The following PRKX variants were observed in gnomAD, a reference collection of about 807,000 sequenced individuals.
PRKX encodes cAMP-dependent protein kinase catalytic subunit PRKX.
Under a neutral mutation model 22.0 loss-of-function variants are expected in PRKX, and 12 were observed. That is an observed-to-expected ratio of 0.54 (90% CI 0.35 to 0.88). PRKX has a LOEUF of 0.88. Among genes scored for constraint, PRKX ranks in the 40% least tolerant of loss-of-function variants. PRKX has a pLI of 0.01. For synonymous variants in PRKX, 134 were observed against 137.7 expected (o/e 0.97, Z 0.19); for missense variants, 217 against 308.0 (o/e 0.70, Z 2.21).
chrX:3,612,083 A>G (rs1603472820), intron 8 of PRKX, 94 bp downstream of exon 8: 2 of 833,977 alleles, frequency 2.4e-6, no homozygotes, highest in East Asian at 6.7e-5. Context: ...CTCTGTGTGC[A>G]TGAGGTTAAG....
chrX:3,697,140 G>A (rs1001226937), intron 1 of PRKX, among the ~76,000 whole-genome samples: 18 of 112,262 alleles, frequency 1.6e-4, no homozygotes, highest in Middle Eastern at 4.6e-3. Context: ...GATTATTTGA[G>A]GCCAGAAGTC....
At chrX:3,711,910 G>C (rs1928799295) in intron 1 of PRKX, among the ~76,000 whole-genome samples, 1 of 110,955 alleles carries the variant, frequency 9.0e-6, no homozygotes, top group African/African-American at 3.3e-5. Context: ...TAAAGAGGAG[G>C]AGGGAGGGAG....
At chrX:3,621,665 G>A (rs779742162) in intron 5 of PRKX, among the ~76,000 whole-genome samples, 2 of 112,062 alleles carry the variant, frequency 1.8e-5, no homozygotes, top group Non-Finnish European at 3.8e-5. Flanking sequence ...CTGCAAAATA[G>A]AAGACATCTG....
At chrX:3,614,428 G>A (rs1232227382) in intron 7 of PRKX, among the ~76,000 whole-genome samples, 1 of 112,206 alleles carries the variant, frequency 8.9e-6, no homozygotes, top group Admixed American at 9.5e-5. Context: ...GGTGGAGGCT[G>A]CAGTGAGCAA....
intron 1 of PRKX, among the ~76,000 whole-genome samples, chrX:3,705,379 G>A (rs1361884864): frequency 9.0e-6 from 1 of 111,339 alleles, no homozygotes; most frequent in Admixed American, 9.5e-5. Context: ...CATTACCTTG[G>A]GGATTAGGGT....
intron 4 of PRKX, among the ~76,000 whole-genome samples, chrX:3,626,990 G>A (rs1280399400): frequency 9.0e-6 from 1 of 111,389 alleles, no homozygotes; most frequent in Non-Finnish European, 1.9e-5. Context: ...CTCAAAAGAA[G>A]ACATGGAAAA....
intron 2 of PRKX, among the ~76,000 whole-genome samples, chrX:3,670,689 G>GC (rs1302220542): frequency 1.1e-4 from 12 of 110,071 alleles, no homozygotes; most frequent in African/African-American, 6.6e-5. Flanking sequence ...GGGACTACAG[G>GC]CCCCCCCACC....
chrX:3,703,967 C>T (rs1416840086), intron 1 of PRKX, among the ~76,000 whole-genome samples: 3 of 110,746 alleles, frequency 2.7e-5, no homozygotes, highest in East Asian at 2.8e-4. Context: ...CCCCCACACC[C>T]GGCCTCTAAT....
intron 1 of PRKX, among the ~76,000 whole-genome samples, chrX:3,709,632 GA>G (rs1346780233): frequency 9.0e-6 from 1 of 111,119 alleles, no homozygotes; most frequent in East Asian, 2.8e-4. Context: ...ACACTTCTGG[GA>G]AAAAACCCAA....
intron 1 of PRKX, among the ~76,000 whole-genome samples, chrX:3,682,483 G>A (rs1358856402): frequency 9.0e-6 from 1 of 110,911 alleles, no homozygotes; most frequent in Non-Finnish European, 1.9e-5. Flanking sequence ...TCCCAGCACA[G>A]GAGTTTGAGA....
At chrX:3,693,039 A>G (rs1188585064) in intron 1 of PRKX, among the ~76,000 whole-genome samples, 1 of 111,149 alleles carries the variant, frequency 9.0e-6, no homozygotes, top group Non-Finnish European at 1.9e-5. Flanking sequence ...ATCATGATTG[A>G]TATTTTCCTG....
At position 3,621,156 on chromosome X, in the gene PRKX, C is replaced by T. The variant is rs1270078509; in HGVS notation, c.873+103G>A. On this transcript the variant is annotated intron_variant, in intron 6 of 8. Transcript: ENST00000262848. Reference sequence around the variant, plus strand: ...TTGAAATTTGGGCAGTGATTAAATACGACCGCTAAGCCTTGGTTTATACCT... The same window carrying T: ...TTGAAATTTGGGCAGTGATTAAATATGACCGCTAAGCCTTGGTTTATACCT... The T allele has an allele frequency of 2.0e-5, 13 of 659,199 alleles. No individual in the cohort carries two copies. In the South Asian group the frequency reaches 3.1e-4, roughly 16 times the overall value. The allele number at this position is 659,199 out of a possible 1,213,427, so 54.3% of individuals were successfully genotyped here.
At chrX:3,688,396 A>G (rs1231946900) in intron 1 of PRKX, among the ~76,000 whole-genome samples, 1 of 103,319 alleles carries the variant, frequency 9.7e-6, no homozygotes. Context: ...CAGTGAGCCA[A>G]GATCACACCA....
At chrX:3,647,097 A>C (rs1927204085) in intron 3 of PRKX, among the ~76,000 whole-genome samples, 1 of 110,922 alleles carries the variant, frequency 9.0e-6, no homozygotes, top group African/African-American at 3.3e-5. Flanking sequence ...TGGTGTTATG[A>C]AATATATATA....
chrX:3,712,088 G>A (rs941130580), intron 1 of PRKX, among the ~76,000 whole-genome samples: 3 of 111,700 alleles, frequency 2.7e-5, no homozygotes, highest in Admixed American at 9.5e-5. Context: ...GTCTTCCTAA[G>A]TCATAAGCTA....
intron 2 of PRKX, among the ~76,000 whole-genome samples, chrX:3,663,469 A>AC (rs1569054438): frequency 0.077 from 4,077 of 52,740 alleles, 174 homozygotes; most frequent in African/African-American, 0.12. Flanking sequence ...CACACACACA[A>AC]AAAAATTCAA....
At chrX:3,639,658 A>C (rs1219976320) in intron 4 of PRKX, among the ~76,000 whole-genome samples, 1 of 109,443 alleles carries the variant, frequency 9.1e-6, no homozygotes, top group Non-Finnish European at 1.9e-5. Flanking sequence ...AACAATACAC[A>C]TGGATAGCTA....
intron 1 of PRKX, among the ~76,000 whole-genome samples, chrX:3,712,689 C>A (rs1268342941): frequency 8.9e-6 from 1 of 112,368 alleles, no homozygotes; most frequent in African/African-American, 3.2e-5. Context: ...CTGCAGGGGT[C>A]TTCGCACCCC....
At chrX:3,644,229 C>T (rs1188298360) in intron 3 of PRKX, among the ~76,000 whole-genome samples, 45 of 63,385 alleles carry the variant, frequency 7.1e-4, no homozygotes, top group Admixed American at 8.9e-4. Context: ...AAGACCACTC[C>T]TTTACAAAAA....
Sources: gnomAD v4.1 joint callset for allele counts (sites outside exome capture counted in the v4.1 genomes callset) on GRCh38, gnomAD v4.1.1 for gene constraint, MANE v1.5 for transcripts, NCBI Gene and HGNC (gene_info 2026-07-23, HGNC 2026-07-21) for gene names.